ESR1: variants seen among roughly 807,000 people sequenced by gnomAD.
ESR1 encodes the protein estrogen receptor 1.
Under a neutral mutation model 52.7 loss-of-function variants are expected in ESR1, and 12 were observed. The ratio of observed to expected loss-of-function variants is 0.23; its 90% CI spans 0.15 to 0.37. The LOEUF is 0.37. Ranked by LOEUF, ESR1 falls within the 10% of genes least tolerant of loss-of-function variation. The probability of loss-of-function intolerance (pLI) is 1.00; values close to 1 mark genes in which losing one functional copy is unlikely to be tolerated. For synonymous variants in ESR1, 305 were observed against 316.8 expected (o/e 0.96, Z 0.39); for missense variants, 584 against 779.7 (o/e 0.75, Z 2.99).
At chr6:152,049,482 C>T (rs922367989) in intron 5 of ESR1, among the ~76,000 whole-genome samples, 2 of 152,180 alleles carry the variant, frequency 1.3e-5, no homozygotes, top group African/African-American at 4.8e-5. Flanking sequence ...CTACATGATT[C>T]AAGCTAAAGT....
chr6:151,879,348 T>G (rs1792393016), intron 2 of ESR1, among the ~76,000 whole-genome samples: 1 of 152,172 alleles, frequency 6.6e-6, no homozygotes, highest in South Asian at 2.1e-4. Context: ...GTTGCTTTTT[T>G]GGGGTAACTA....
chr6:151,878,788 CT>C (rs1792288273), intron 2 of ESR1, among the ~76,000 whole-genome samples: 1 of 152,142 alleles, frequency 6.6e-6, no homozygotes, highest in South Asian at 2.1e-4. Context: ...AGAATTTAGA[CT>C]TATGCAGACA....
intron 1 of ESR1, among the ~76,000 whole-genome samples, chr6:151,827,185 A>G (rs1781637901): frequency 6.6e-6 from 1 of 151,948 alleles, no homozygotes; most frequent in African/African-American, 2.4e-5. Flanking sequence ...AAAATTAGCC[A>G]GATGTGGTAG....
chr6:151,692,577 C>T (rs1257827982), intron 1 of ESR1, among the ~76,000 whole-genome samples: 1 of 152,164 alleles, frequency 6.6e-6, no homozygotes, highest in Non-Finnish European at 1.5e-5. Context: ...CCTGTCCATC[C>T]ACCTCTATCA....
intron 4 of ESR1, among the ~76,000 whole-genome samples, chr6:151,967,760 G>A (rs758492206): frequency 8.5e-5 from 13 of 152,248 alleles, no homozygotes; most frequent in Non-Finnish European, 1.0e-4. Context: ...GAATCACCAC[G>A]CTGTCTTCCA....
chr6:151,814,284 T>G (rs1365136595), intron 1 of ESR1: 1 of 152,232 alleles, frequency 6.6e-6, no homozygotes, highest in Non-Finnish European at 1.5e-5. Flanking sequence ...TACTTCCTCT[T>G]TCTTCTGTAG....
intron 5 of ESR1, among the ~76,000 whole-genome samples, chr6:152,024,643 C>A (rs2043969940): frequency 6.8e-6 from 1 of 146,956 alleles, no homozygotes; most frequent in South Asian, 2.1e-4. Context: ...AAATATTATA[C>A]CTATTTTATA....
chr6:151,955,073 GC>G (rs2036753472), intron 4 of ESR1, among the ~76,000 whole-genome samples: 1 of 151,996 alleles, frequency 6.6e-6, no homozygotes, highest in South Asian at 2.1e-4. Context: ...AAAACACATA[GC>G]CCCAATCTCA....
chr6:151,809,179 C>A, intron 1 of ESR1: 1 of 455,058 alleles, frequency 2.2e-6, no homozygotes, highest in Non-Finnish European at 4.6e-6. Flanking sequence ...GAGTGGCGTG[C>A]GGGTCAGCCA....
chr6:151,865,567 A>G (rs1789738121), intron 2 of ESR1, among the ~76,000 whole-genome samples: 1 of 152,204 alleles, frequency 6.6e-6, no homozygotes, highest in Non-Finnish European at 1.5e-5. Flanking sequence ...ACATTTAGGT[A>G]AACTCTTTGA....
At chr6:152,001,365 G>A (rs565322745) in intron 4 of ESR1, among the ~76,000 whole-genome samples, 31 of 152,130 alleles carry the variant, frequency 2.0e-4, no homozygotes, top group South Asian at 4.1e-4. Context: ...GAAAGGGGAC[G>A]AAAGGGGCTA....
intron 1 of ESR1, among the ~76,000 whole-genome samples, chr6:151,665,603 GTTTCT>G (rs750032689): frequency 7.2e-5 from 11 of 151,880 alleles, no homozygotes; most frequent in African/African-American, 2.4e-4. Flanking sequence ...CACAGCTTCT[GTTTCT>G]TTTCTTTTCT....
intron 2 of ESR1, among the ~76,000 whole-genome samples, chr6:151,772,713 A>G (rs576896768): frequency 6.6e-6 from 1 of 152,336 alleles, no homozygotes; most frequent in South Asian, 2.1e-4. Context: ...CAAATCAACT[A>G]TCACAGACTT....
intron 4 of ESR1, 75 bp downstream of exon 4, chr6:151,944,583 T>C: frequency 2.2e-6 from 3 of 1,353,288 alleles, no homozygotes; most frequent in Non-Finnish European, 3.2e-6. Flanking sequence ...GGAGAAATAG[T>C]GGGGGAAAAA....
At position 152,034,681 on chromosome 6, in the gene ESR1, C is replaced by T. The variant is rs145081381; in HGVS notation, c.1235+22887C>T. Among the ~76,000 whole-genome samples, 50 of 152,152 alleles carry T rather than the reference C, an allele frequency of 3.3e-4. No individual in the cohort carries two copies. The East Asian group carries it at 8.9e-3, about 27-fold the overall frequency. On this transcript the variant is annotated intron_variant, in intron 5 of 7. Coordinates refer to ENST00000206249, the MANE Select transcript of ESR1 (RefSeq NM_000125.4). ...ACCAGATTCTTCAGTCTTTTTAATT[C>T]ATTCTGAAATAACTGGGCTACAGTT... is the stretch of plus-strand genomic sequence containing the variant.
intron 3 of ESR1, among the ~76,000 whole-genome samples, chr6:151,935,080 C>CCTTGGCTGT (rs1414734143): frequency 1.3e-5 from 2 of 152,206 alleles, no homozygotes; most frequent in Non-Finnish European, 2.9e-5. Flanking sequence ...GTGTCAGCTT[C>CCTTGGCTGT]CTTGGCTGTA....
chr6:151,688,171 T>G (rs1778762648), upstream of ESR1, among the ~76,000 whole-genome samples: 1 of 152,244 alleles, frequency 6.6e-6, no homozygotes. Flanking sequence ...AGTGATTTCA[T>G]TAGAACAATA....
chr6:151,767,943 T>C (rs576581936), intron 2 of ESR1, among the ~76,000 whole-genome samples: 48 of 152,294 alleles, frequency 3.2e-4, no homozygotes, highest in Admixed American at 7.2e-4. Flanking sequence ...CTAGAATTAG[T>C]TATATCATTC....
chr6:152,114,837 G>A (rs2051189750), intron 6 of ESR1, among the ~76,000 whole-genome samples: 1 of 134,356 alleles, frequency 7.4e-6, no homozygotes. Flanking sequence ...CTTGCAGTGA[G>A]CCGAGATCGC....
Sources: gnomAD v4.1 joint callset for allele counts (sites outside exome capture counted in the v4.1 genomes callset) on GRCh38, gnomAD v4.1.1 for gene constraint, MANE v1.5 for transcripts, NCBI Gene and HGNC (gene_info 2026-07-23, HGNC 2026-07-21) for gene names.